Variants in TLE3 observed in about 807,000 individuals in gnomAD.
The protein encoded by TLE3 is transducin-like enhancer protein 3.
A neutral mutation model predicts 93.0 loss-of-function variants in TLE3; 14 were observed. The observed-to-expected ratio is 0.15, with a 90% CI of 0.10 to 0.24. The LOEUF (loss-of-function observed/expected upper bound fraction) is 0.24, where lower values mean the gene tolerates loss of function less well. Among genes scored for constraint, TLE3 ranks in the 10% least tolerant of loss-of-function variants. The pLI, the probability that TLE3 is intolerant of heterozygous loss-of-function variation, is 1.00. For missense variants in TLE3, 693 were observed against 1,046.6 expected (o/e 0.66, Z 4.66); for synonymous variants, 451 against 425.0 (o/e 1.06, Z -0.75).
chr15:70,083,686 T>C (rs1367747958), intron 4 of TLE3, among the ~76,000 whole-genome samples: 1 of 150,884 alleles, frequency 6.6e-6, no homozygotes, highest in African/African-American at 2.4e-5. Flanking sequence ...CTTGGAACAT[T>C]ATGCAAATCT....
chr15:70,081,270 C>A (rs1394248418), intron 4 of TLE3, among the ~76,000 whole-genome samples: 1 of 152,184 alleles, frequency 6.6e-6, no homozygotes, highest in Non-Finnish European at 1.5e-5. Flanking sequence ...CCTAAATATT[C>A]CCGAATTGGC....
At chr15:70,083,616 G>GA (rs1240209003) in intron 4 of TLE3, among the ~76,000 whole-genome samples, 3 of 146,140 alleles carry the variant, frequency 2.1e-5, no homozygotes, top group Non-Finnish European at 4.5e-5. Context: ...CTGCCAGGAG[G>GA]AAAAATTCTC....
intron 4 of TLE3, among the ~76,000 whole-genome samples, chr15:70,077,849 G>A (rs372959268): frequency 6.6e-6 from 1 of 152,186 alleles, no homozygotes; most frequent in African/African-American, 2.4e-5. Context: ...AAGGACTGTC[G>A]CTCATATCCC....
At chr15:70,092,563 C>CA (rs1451542059) in intron 4 of TLE3, among the ~76,000 whole-genome samples, 1 of 152,210 alleles carries the variant, frequency 6.6e-6, no homozygotes, top group African/African-American at 2.4e-5. Flanking sequence ...TGCCTCTATC[C>CA]ACCACTGGCA....
At chr15:70,079,519 G>A in intron 4 of TLE3, 1 of 441,782 alleles carries the variant, frequency 2.3e-6, no homozygotes, top group Non-Finnish European at 4.5e-6. Context: ...GCCATCATCT[G>A]CTAGTACCCT....
At chr15:70,087,870 T>A (rs1262777562) in intron 4 of TLE3, among the ~76,000 whole-genome samples, 2 of 152,226 alleles carry the variant, frequency 1.3e-5, no homozygotes, top group African/African-American at 4.8e-5. Context: ...AAGTATTTGT[T>A]CTCAGATAAA....
At chr15:70,054,170 A>C in intron 16 of TLE3, 1 of 396,654 alleles carries the variant, frequency 2.5e-6, no homozygotes, top group South Asian at 4.2e-5. Context: ...TGCTTGCTCC[A>C]CTAATCTGAC....
At chr15:70,074,737 G>T in intron 5 of TLE3, 130 bp from the exon 6 acceptor site, 1 of 611,420 alleles carries the variant, frequency 1.6e-6, no homozygotes, top group South Asian at 2.4e-5. Flanking sequence ...AACAGGCACA[G>T]GGCACAAGTA....
chr15:70,061,908 C>G (rs2056501586), intron 8 of TLE3, among the ~76,000 whole-genome samples: 1 of 150,826 alleles, frequency 6.6e-6, no homozygotes, highest in Non-Finnish European at 1.5e-5. Context: ...AGAGGGACAT[C>G]TGTTCAGAAG....
In TLE3 at chr15:70,058,163, C is replaced by A. The variant is rs116141177; in HGVS notation, c.1047G>T (p.Pro349=). The part of the protein sequence containing the change: ...SMPGKPPGMD[P]IASALRTPIS... ...CATGGTGCCTACCCATTATACCTATCGGGTCCATGCCCGGAGGTTTACCCG... is the reference window on the plus strand; with the variant it reads ...CATGGTGCCTACCCATTATACCTATAGGGTCCATGCCCGGAGGTTTACCCG... Residue 349 remains proline (P), a synonymous_variant, in exon 12 of 20, where the codon CCG becomes CCT. Coordinates refer to ENST00000451782, the MANE Select transcript of TLE3 (RefSeq NM_001105192.3). The surrounding 1 kb of genome is among the most constrained non-coding windows in gnomAD (Gnocchi z 4.1). The A allele has an allele frequency of 1.2e-6, 2 of 1,613,988 alleles. No individual in the cohort carries two copies. The highest frequency in any genetic ancestry group is 2.7e-5 in the African/African-American group (2 of 75,056).
chr15:70,068,642 G>A lies in TLE3; in HGVS notation c.373-2424C>T, dbSNP rs545636230. Among the ~76,000 whole-genome samples, 188 of 152,354 alleles carry A rather than the reference G, an allele frequency of 1.2e-3. 1 individual carries two copies. Among genetic ancestry groups the A allele is most frequent in the Admixed American group, 3.7e-3 (57 of 15,308 alleles). ...CTTCAAAGAAGTAGCTTTGCTGCCT[G>A]CAGACACAGCTAACTCCTTTCATGA... On this transcript the variant is annotated intron_variant, in intron 6 of 19. Coordinates refer to ENST00000451782, the MANE Select transcript of TLE3 (RefSeq NM_001105192.3).
chr15:70,079,514 C>A, intron 4 of TLE3: 1 of 449,356 alleles, frequency 2.2e-6, no homozygotes, highest in South Asian at 1.6e-5. Flanking sequence ...ACTGTGCCAT[C>A]ATCTGCTAGT....
At chr15:70,084,801 T>C (rs781704432) in intron 4 of TLE3, among the ~76,000 whole-genome samples, 4 of 152,252 alleles carry the variant, frequency 2.6e-5, no homozygotes, top group Non-Finnish European at 5.9e-5. Flanking sequence ...TTACAACATA[T>C]GCAACACCAA....
At chr15:70,082,389 G>A (rs746221381) in intron 4 of TLE3, among the ~76,000 whole-genome samples, 12 of 152,178 alleles carry the variant, frequency 7.9e-5, no homozygotes, top group Non-Finnish European at 1.6e-4. Context: ...CTCCATCCAC[G>A]CCATGGGCTC....
chr15:70,050,480 C>A, intron 19 of TLE3: 1 of 349,144 alleles, frequency 2.9e-6, no homozygotes, highest in East Asian at 5.6e-5. Flanking sequence ...GTGATCTTTA[C>A]AGTAAGTCAT....
chr15:70,095,370 C>T (rs1346740801), intron 3 of TLE3: 24 of 1,442,008 alleles, frequency 1.7e-5, no homozygotes, highest in Non-Finnish European at 2.1e-5. Flanking sequence ...GTTTCTCTTT[C>T]TGCCCCTCCC....
intron 6 of TLE3, among the ~76,000 whole-genome samples, chr15:70,070,030 G>A (rs750114372): frequency 5.3e-5 from 8 of 152,350 alleles, no homozygotes; most frequent in Non-Finnish European, 1.0e-4. Flanking sequence ...ATCAGAGACC[G>A]CCTGTCTCCA....
Position 70,058,711 on chromosome 15 carries a change from C to T in TLE3, c.870G>A (p.Val290=), listed in dbSNP as rs760474496. Residue 290 remains valine (V), a synonymous_variant, in exon 11 of 20, where the codon GTG becomes GTA. Transcript: ENST00000451782. The surrounding 1 kb of genome is among the most constrained non-coding windows in gnomAD (Gnocchi z 4.1). The part of the protein sequence containing the change: ...KKDAPTSPAS[V]ASSSSTPSSK... The stretch of plus-strand genomic sequence containing the variant: ...AGGAAGGTGTGCTACTGGAAGAGGC[C>T]ACCGAGGCAGGGCTGGTGGGGGCAT... The T allele has an allele frequency of 1.2e-6, 2 of 1,608,938 alleles. No homozygotes were observed. The highest frequency in any genetic ancestry group is 1.1e-5 in the South Asian group (1 of 89,852).
In TLE3 at chr15:70,049,562, C is replaced by G. The variant is rs1340306430; in HGVS notation, c.*535G>C. The stretch of plus-strand genomic sequence containing the variant: ...CACCACCACGAGTGGATTACAAATA[C>G]AGCAGGCGAAATACACACTCAGAGT... On this transcript the variant is annotated 3_prime_UTR_variant, in exon 20 of 20. Coordinates refer to ENST00000451782, the MANE Select transcript of TLE3 (RefSeq NM_001105192.3). 1 of 143,288 alleles carries G rather than the reference C, an allele frequency of 7.0e-6. No individual in the cohort carries two copies. The highest frequency in any genetic ancestry group is 1.5e-5 in the Non-Finnish European group (1 of 66,194). The allele number at this position is 143,288 out of a possible 1,614,324, so 8.9% of individuals were successfully genotyped here. A position where few individuals can be genotyped will look rare whatever the true frequency, so the allele number is the denominator to read the frequency against.
Sources: gnomAD v4.1 joint callset for allele counts (sites outside exome capture counted in the v4.1 genomes callset) on GRCh38, gnomAD v4.1.1 for gene constraint, Gnocchi (gnomAD v3.1) non-coding constraint, MANE v1.5 for transcripts, NCBI Gene and HGNC (gene_info 2026-07-23, HGNC 2026-07-21) for gene names.